Variants in COL28A1 observed in about 807,000 individuals in gnomAD.
COL28A1 encodes collagen type XXVIII alpha 1 chain, also known as collagen alpha-1(XXVIII) chain.
A neutral mutation model predicts 150.2 loss-of-function variants in COL28A1; 161 were observed. The ratio of observed to expected loss-of-function variants is 1.07; its 90% confidence interval spans 0.94 to 1.22. COL28A1 has a LOEUF of 1.22. Ranked by LOEUF, COL28A1 falls within the 50% of genes most tolerant of loss-of-function variation. The pLI is 0.00. For synonymous variants in COL28A1, 552 were observed against 469.7 expected (o/e 1.18, Z -2.26); for missense variants, 1,617 against 1,388.3 (o/e 1.16, Z -2.62).
intron 3 of COL28A1, among the ~76,000 whole-genome samples, chr7:7,524,959 T>A (rs1421758957): frequency 6.6e-6 from 1 of 152,214 alleles, no homozygotes; most frequent in African/African-American, 2.4e-5. Context: ...GTATTAGGAA[T>A]AATATTTTGG....
intron 27 of COL28A1, among the ~76,000 whole-genome samples, chr7:7,383,049 C>T (rs900584691): frequency 6.6e-6 from 1 of 151,890 alleles, no homozygotes; most frequent in African/African-American, 2.4e-5. Context: ...TGAAATATTT[C>T]AAAACAAAAA....
the COL28A1 span, among the ~76,000 whole-genome samples, chr7:7,339,118 T>C: frequency 6.6e-6 from 1 of 152,174 alleles, no homozygotes; most frequent in East Asian, 1.9e-4. Flanking sequence ...CGTAGATATT[T>C]GAGTGATAAT....
At chr7:7,506,347 C>T (rs1178300155) in intron 10 of COL28A1, among the ~76,000 whole-genome samples, 1 of 152,098 alleles carries the variant, frequency 6.6e-6, no homozygotes, top group African/African-American at 2.4e-5. Flanking sequence ...TTCTTGACTC[C>T]TTTTAAAAAA....
intron 25 of COL28A1, among the ~76,000 whole-genome samples, chr7:7,422,351 T>C (rs1030987926): frequency 7.2e-5 from 11 of 152,164 alleles, no homozygotes; most frequent in Admixed American, 6.5e-4. Context: ...TATGGCCAGG[T>C]TGGGCGCAGT....
At chr7:7,528,714 G>T (rs1004218469) in intron 3 of COL28A1, among the ~76,000 whole-genome samples, 1 of 152,072 alleles carries the variant, frequency 6.6e-6, no homozygotes, top group Non-Finnish European at 1.5e-5. Context: ...ACAAAAGTAA[G>T]ATCAGTAGCT....
At chr7:7,419,646 A>G (rs1253105147) in intron 26 of COL28A1, among the ~76,000 whole-genome samples, 2 of 152,188 alleles carry the variant, frequency 1.3e-5, no homozygotes. Flanking sequence ...TGTTCTGAGC[A>G]CTTTGCAGTT....
intron 18 of COL28A1, among the ~76,000 whole-genome samples, chr7:7,448,267 A>G (rs2128326503): frequency 6.6e-6 from 1 of 152,328 alleles, no homozygotes; most frequent in East Asian, 1.9e-4. Flanking sequence ...ACCACTCAGA[A>G]CCCATGATGT....
intron 9 of COL28A1, among the ~76,000 whole-genome samples, chr7:7,510,361 T>G (rs1016246690): frequency 6.6e-6 from 1 of 152,208 alleles, no homozygotes; most frequent in African/African-American, 2.4e-5. Context: ...CTTGGCTCAC[T>G]GCAACGTCTG....
rs1245583875 is a variant in COL28A1, at chr7:7,417,463, C to T, written c.2136+396G>A. On this transcript the variant is annotated intron_variant, in intron 27 of 34. Transcript: ENST00000399429. Reference sequence around the variant, plus strand: ...GCTAAGATTGGGAAGCCCTGGGCTACCATGGAGGATACAGGTGAGGAAGGT... The same window carrying T: ...GCTAAGATTGGGAAGCCCTGGGCTATCATGGAGGATACAGGTGAGGAAGGT... Among the ~76,000 whole-genome samples, 23 of 128,732 alleles carry T rather than the reference C, an allele frequency of 1.8e-4. 1 individual carries two copies. The South Asian group carries it at 4.9e-3, about 27-fold the overall frequency. The allele number at this position is 128,732 out of a possible 152,430, so 84.5% of individuals were successfully genotyped here.
chr7:7,383,632 T>G (rs559843223), intron 27 of COL28A1, among the ~76,000 whole-genome samples: 2 of 148,870 alleles, frequency 1.3e-5, no homozygotes, highest in African/African-American at 2.4e-5. Context: ...GCATCCAATT[T>G]TTTAAAAAAA....
intron 16 of COL28A1, among the ~76,000 whole-genome samples, chr7:7,454,683 AT>A (rs1179774546): frequency 2.0e-5 from 3 of 152,142 alleles, no homozygotes; most frequent in Non-Finnish European, 4.4e-5. Flanking sequence ...CGAACCTCAT[AT>A]TTAGCCCCAT....
intron 31 of COL28A1, among the ~76,000 whole-genome samples, chr7:7,374,039 ATAT>A (rs1396249931): frequency 0.019 from 1,246 of 65,860 alleles, 12 homozygotes; most frequent in Middle Eastern, 0.035. Flanking sequence ...AAAAAAAAAA[ATAT>A]ATATATATAT....
intron 34 of COL28A1, 53 bp downstream of exon 34, chr7:7,360,337 C>G (rs943842633): frequency 9.1e-5 from 133 of 1,455,430 alleles, no homozygotes; most frequent in Non-Finnish European, 1.1e-4. Context: ...TGCACCAAAT[C>G]TGTGCACAAG....
intron 4 of COL28A1, among the ~76,000 whole-genome samples, chr7:7,522,838 G>A (rs1182424739): frequency 1.3e-5 from 1 of 78,722 alleles, no homozygotes; most frequent in East Asian, 3.7e-4. Flanking sequence ...AAAAAAAAAG[G>A]GCCGTGCATA....
intron 27 of COL28A1, among the ~76,000 whole-genome samples, chr7:7,382,650 T>A (rs1404778823): frequency 6.6e-6 from 1 of 152,154 alleles, no homozygotes; most frequent in Non-Finnish European, 1.5e-5. Flanking sequence ...TTATTAGTAA[T>A]GAGTCTCTGG....
At chr7:7,541,491 T>C in the COL28A1 span, among the ~76,000 whole-genome samples, 1 of 152,220 alleles carries the variant, frequency 6.6e-6, no homozygotes, top group African/African-American at 2.4e-5. Flanking sequence ...TTTTCTGTTA[T>C]TCTAATTGAC....
At chr7:7,463,893 C>T (rs1052544126) in intron 15 of COL28A1, among the ~76,000 whole-genome samples, 1 of 152,140 alleles carries the variant, frequency 6.6e-6, no homozygotes, top group East Asian at 1.9e-4. Context: ...AATTCACCAA[C>T]CAATCTGCTG....
chr7:7,445,077 A>G (rs918091588), intron 18 of COL28A1, among the ~76,000 whole-genome samples: 6 of 152,128 alleles, frequency 3.9e-5, no homozygotes, highest in Admixed American at 2.6e-4. Context: ...CCAGGATTGT[A>G]AGTTTCCTGA....
Position 7,453,512 on chromosome 7 carries a change from TAA to T in COL28A1, c.1372-6_1372-5del. 1 of 1,042,942 alleles carries T rather than the reference TAA, an allele frequency of 9.6e-7. No homozygotes were observed. The highest frequency in any genetic ancestry group is 1.5e-6 in the Non-Finnish European group (1 of 668,742). The allele number at this position is 1,042,942 out of a possible 1,614,324, so 64.6% of individuals were successfully genotyped here. A position where few individuals can be genotyped will look rare whatever the true frequency, so the allele number is the denominator to read the frequency against. On this transcript the variant is annotated splice_polypyrimidine_tract_variant and splice_region_variant and intron_variant, in intron 16 of 34. Transcript: ENST00000399429. ...GACCAATAGGACCTTGGATTCCCTTTAAAATAAAATTTTATAAAATAGTGTTA... is the reference window on the plus strand; with the variant it reads ...GACCAATAGGACCTTGGATTCCCTTTAATAAAATTTTATAAAATAGTGTTA...
Sources: gnomAD v4.1 joint callset for allele counts (sites outside exome capture counted in the v4.1 genomes callset) on GRCh38, gnomAD v4.1.1 for gene constraint, MANE v1.5 for transcripts, NCBI Gene and HGNC (gene_info 2026-07-23, HGNC 2026-07-21) for gene names.